MARCHF1: variants seen among roughly 807,000 people sequenced by gnomAD.
The protein encoded by MARCHF1 is membrane associated ring-CH-type finger 1, also known as E3 ubiquitin-protein ligase MARCHF1.
In MARCHF1, 40 loss-of-function variants were observed where a neutral mutation model predicts 54.2. The ratio of observed to expected loss-of-function variants is 0.74; its 90% CI spans 0.57 to 0.96. MARCHF1 has a LOEUF of 0.96. Ranked by LOEUF, MARCHF1 falls within the 40% of genes least tolerant of loss-of-function variation. MARCHF1 has a pLI of 0.00. For synonymous variants in MARCHF1, 236 were observed against 236.3 expected (o/e 1.00, Z 0.01); for missense variants, 586 against 656.5 (o/e 0.89, Z 1.17).
intron 1 of MARCHF1, among the ~76,000 whole-genome samples, chr4:164,199,749 T>G (rs1224337373): frequency 7.3e-6 from 1 of 136,790 alleles, no homozygotes; most frequent in Non-Finnish European, 1.6e-5. Flanking sequence ...GAGAAAAAAA[T>G]CAAATTTCTA....
chr4:164,003,076 A>G (rs1016089711), intron 2 of MARCHF1, among the ~76,000 whole-genome samples: 5 of 151,882 alleles, frequency 3.3e-5, no homozygotes, highest in Admixed American at 6.6e-5. Flanking sequence ...AAAAATCCCA[A>G]TGTAAGGGTC....
chr4:163,967,752 A>T (rs895071059), intron 3 of MARCHF1, among the ~76,000 whole-genome samples: 2 of 152,138 alleles, frequency 1.3e-5, no homozygotes, highest in Admixed American at 6.5e-5. Context: ...GGCTCATGTG[A>T]TTATGGAGGC....
intron 4 of MARCHF1, among the ~76,000 whole-genome samples, chr4:163,820,753 TGAC>T (rs1748670138): frequency 6.6e-6 from 1 of 152,018 alleles, no homozygotes; most frequent in Non-Finnish European, 1.5e-5. Context: ...CTTATAAAGT[TGAC>T]TTTATAATTT....
In MARCHF1 at chr4:164,308,963, TAA is replaced by T. The variant is rs11322726; in HGVS notation, c.-323+74905_-323+74906del. Among the ~76,000 whole-genome samples the T allele has an allele frequency of 9.6e-3, 1,192 of 124,402 alleles. 19 individuals carry two copies. The highest frequency in any genetic ancestry group is 0.032 in the African/African-American group (1,090 of 34,402). The allele number at this position is 124,402 out of a possible 152,430, so 81.6% of individuals were successfully genotyped here. ...GTACTCCTGAACCTAAAATAAAAGTTAAAAAAAAAAAAAAAGAAAGAGAAAGG... is the reference window on the plus strand; with the variant it reads ...GTACTCCTGAACCTAAAATAAAAGTTAAAAAAAAAAAAAGAAAGAGAAAGG... On this transcript the variant is annotated intron_variant, in intron 1 of 9. Transcript: ENST00000514618.
chr4:163,779,271 G>A (rs1258237854), intron 4 of MARCHF1, among the ~76,000 whole-genome samples: 1 of 152,132 alleles, frequency 6.6e-6, no homozygotes, highest in Non-Finnish European at 1.5e-5. Context: ...ATCACACAAT[G>A]ATATAAAAAA....
chr4:163,740,533 A>G (rs1746166055), intron 4 of MARCHF1, among the ~76,000 whole-genome samples: 1 of 152,172 alleles, frequency 6.6e-6, no homozygotes, highest in African/African-American at 2.4e-5. Flanking sequence ...GGTGATGTCT[A>G]TACATTCAGT....
intron 2 of MARCHF1, among the ~76,000 whole-genome samples, chr4:163,997,783 T>C (rs916973827): frequency 2.6e-5 from 4 of 151,990 alleles, no homozygotes; most frequent in African/African-American, 9.6e-5. Flanking sequence ...GTAAAGGAGA[T>C]AATAGTTGTT....
In MARCHF1 at chr4:163,667,962, C is replaced by A. The variant is rs80316545; in HGVS notation, c.162+32851G>T. The stretch of plus-strand genomic sequence containing the variant: ...AATTTAATAAAAAGTATGATTTTTA[C>A]GGTCCTGCTTTTGAAAAAGCAAATT... On this transcript the variant is annotated intron_variant, in intron 5 of 9. Coordinates refer to ENST00000514618, the MANE Select transcript of MARCHF1 (RefSeq NM_001394959.1). Among the ~76,000 whole-genome samples the A allele has an allele frequency of 2.0e-5, 3 of 152,024 alleles. No homozygotes were observed. The South Asian group carries it at 6.2e-4, about 31-fold the overall frequency.
chr4:163,860,427 C>T (rs755986083), intron 3 of MARCHF1, among the ~76,000 whole-genome samples: 1 of 152,172 alleles, frequency 6.6e-6, no homozygotes, highest in Admixed American at 6.5e-5. Flanking sequence ...TGAAATACCC[C>T]CAAACAGTCT....
intron 4 of MARCHF1, among the ~76,000 whole-genome samples, chr4:163,731,539 T>C (rs1411356502): frequency 4.6e-5 from 7 of 152,188 alleles, no homozygotes; most frequent in Admixed American, 2.0e-4. Context: ...TTCCCTCAGC[T>C]GAGAAGATAA....
intron 1 of MARCHF1, among the ~76,000 whole-genome samples, chr4:164,296,023 AC>A (rs1417676235): frequency 6.6e-6 from 1 of 152,220 alleles, no homozygotes; most frequent in Non-Finnish European, 1.5e-5. Flanking sequence ...GCATTTCAAA[AC>A]AAAATAGGAG....
At chr4:164,029,825 C>T (rs918174804) in intron 2 of MARCHF1, among the ~76,000 whole-genome samples, 5 of 152,154 alleles carry the variant, frequency 3.3e-5, no homozygotes, top group African/African-American at 1.2e-4. Flanking sequence ...AAACTTCTGA[C>T]CTCAGGTGAT....
chr4:164,248,757 C>T (rs1042518217), intron 1 of MARCHF1, among the ~76,000 whole-genome samples: 1 of 151,960 alleles, frequency 6.6e-6, no homozygotes, highest in Non-Finnish European at 1.5e-5. Flanking sequence ...ATATATATTA[C>T]TGGCAACATC....
intron 3 of MARCHF1, among the ~76,000 whole-genome samples, chr4:163,977,041 A>G (rs1752662493): frequency 6.6e-6 from 1 of 152,116 alleles, no homozygotes; most frequent in Non-Finnish European, 1.5e-5. Context: ...CATTTCATAG[A>G]AAAGTTGTGA....
intron 4 of MARCHF1, among the ~76,000 whole-genome samples, chr4:163,788,299 C>A (rs923711083): frequency 4.6e-5 from 7 of 151,712 alleles, no homozygotes; most frequent in Admixed American, 3.9e-4. Context: ...AAGATAATAC[C>A]GAGAATTCTC....
chr4:164,219,906 A>T (rs1732042921), intron 1 of MARCHF1, among the ~76,000 whole-genome samples: 1 of 152,020 alleles, frequency 6.6e-6, no homozygotes, highest in South Asian at 2.1e-4. Flanking sequence ...GTTTATTTAT[A>T]GCCCTGGACC....
chr4:163,705,673 A>G (rs1346405365), intron 4 of MARCHF1, among the ~76,000 whole-genome samples: 1 of 151,956 alleles, frequency 6.6e-6, no homozygotes, highest in Non-Finnish European at 1.5e-5. Flanking sequence ...ATTGAAGGAA[A>G]CCCCTTATAG....
intron 1 of MARCHF1, among the ~76,000 whole-genome samples, chr4:164,356,325 A>G (rs905888442): frequency 1.4e-5 from 2 of 141,302 alleles, no homozygotes; most frequent in Non-Finnish European, 3.2e-5. Context: ...AGGTATGTTT[A>G]TTGTGGCATT....
At chr4:163,635,968 A>G (rs1742303122) in intron 5 of MARCHF1, among the ~76,000 whole-genome samples, 1 of 152,266 alleles carries the variant, frequency 6.6e-6, no homozygotes, top group South Asian at 2.1e-4. Flanking sequence ...GTAATCCAGC[A>G]TATAAACAGA....
Sources: allele counts gnomAD v4.1 joint callset (sites outside exome capture counted in the v4.1 genomes callset), GRCh38; gene constraint gnomAD v4.1.1; transcripts MANE v1.5; gene names NCBI Gene and HGNC (gene_info 2026-07-23, HGNC 2026-07-21).